The following LSAMP variants were observed in gnomAD, a reference collection of about 807,000 sequenced individuals.
The protein encoded by LSAMP is limbic system-associated membrane protein.
A neutral mutation model predicts 38.6 loss-of-function variants in LSAMP; 7 were observed. The observed-to-expected ratio is 0.18, with a 90% CI of 0.10 to 0.34. The LOEUF is 0.34. Ranked by LOEUF, LSAMP falls within the 10% of genes least tolerant of loss-of-function variation. LSAMP has a pLI of 1.00. For missense variants in LSAMP, 313 were observed against 420.0 expected (o/e 0.75, Z 2.23); for synonymous variants, 154 against 166.8 (o/e 0.92, Z 0.59).
chr3:115,852,639 G>A, intron 3 of LSAMP, 22 bp from the exon 4 acceptor site: 21 of 1,601,212 alleles, frequency 1.3e-5, no homozygotes, highest in Non-Finnish European at 1.8e-5. Flanking sequence ...AGGTTTTCAT[G>A]ATTCTTTTTT....
intron 3 of LSAMP, among the ~76,000 whole-genome samples, chr3:115,894,013 C>T (rs574631032): frequency 2.6e-5 from 4 of 151,990 alleles, no homozygotes; most frequent in African/African-American, 9.7e-5. Flanking sequence ...ACAGGTCAAA[C>T]CTCCTTTTCA....
rs67711628 is a variant in LSAMP at position 115,928,973 on chromosome 3, G to GTTTTTTTTTTTTTTTTTTTT, written c.515-76357_515-76356insAAAAAAAAAAAAAAAAAAAA. The stretch of plus-strand genomic sequence containing the variant: ...GGCTTATCATGCAGGTTTTTTGTTT[G>GTTTTTTTTTTTTTTTTTTTT]TTTTTTTTTTTTTTTTTGCTTGTTT... On this transcript the variant is annotated intron_variant, in intron 3 of 6. Transcript: ENST00000490035. 1.1e-4 allele frequency among the ~76,000 whole-genome samples: 12 copies of GTTTTTTTTTTTTTTTTTTTT among 109,922 alleles called. 1 individual carries two copies. The highest frequency in any genetic ancestry group is 3.2e-4 in the African/African-American group (9 of 28,058). The allele number at this position is 109,922 out of a possible 152,430, so 72.1% of individuals were successfully genotyped here.
At chr3:116,207,851 A>G (rs1403375928) in intron 1 of LSAMP, among the ~76,000 whole-genome samples, 14 of 151,364 alleles carry the variant, frequency 9.2e-5, no homozygotes, top group Non-Finnish European at 1.5e-5. Context: ...TTTCATTTCA[A>G]CTTTGGTGAA....
chr3:116,337,583 A>C (rs183090814), intron 1 of LSAMP, among the ~76,000 whole-genome samples: 103 of 152,100 alleles, frequency 6.8e-4, no homozygotes, highest in African/African-American at 2.2e-3. Context: ...TTGCTGACCC[A>C]ATGATTAATT....
rs1264465528 is a variant in LSAMP at position 116,047,390 on chromosome 3, AC to A, written c.389-27751del. ...AATCTAGTCTAAAAAAAAAAAAAAA[AC>A]AAAACAAACAAAAAAAAACTGTAAG... On this transcript the variant is annotated intron_variant, in intron 2 of 6. Transcript: ENST00000490035. Among the ~76,000 whole-genome samples the A allele has an allele frequency of 7.8e-3, 1,154 of 147,206 alleles. 10 individuals are homozygous for A. Among genetic ancestry groups the A allele is most frequent in the Middle Eastern group, 0.043 (12 of 282 alleles).
At chr3:115,967,224 C>A (rs1938846158) in intron 3 of LSAMP, among the ~76,000 whole-genome samples, 1 of 152,160 alleles carries the variant, frequency 6.6e-6, no homozygotes, top group Admixed American at 6.5e-5. Flanking sequence ...TACCTTAAAT[C>A]ATCTTTCTCA....
At chr3:116,283,669 A>G (rs950426045) in intron 1 of LSAMP, among the ~76,000 whole-genome samples, 1 of 152,204 alleles carries the variant, frequency 6.6e-6, no homozygotes, top group Non-Finnish European at 1.5e-5. Flanking sequence ...AAAAATAAAG[A>G]TGGCTTATAA....
At chr3:116,303,842 C>A (rs2107709141) in intron 1 of LSAMP, among the ~76,000 whole-genome samples, 1 of 152,220 alleles carries the variant, frequency 6.6e-6, no homozygotes, top group East Asian at 1.9e-4. Context: ...GGTTGTTATC[C>A]CTTATATCAT....
chr3:116,324,209 G>A (rs1327356376), intron 1 of LSAMP, among the ~76,000 whole-genome samples: 3 of 152,110 alleles, frequency 2.0e-5, no homozygotes, highest in Non-Finnish European at 2.9e-5. Flanking sequence ...AAAGGAATAA[G>A]TTTCTTTATA....
intron 1 of LSAMP, among the ~76,000 whole-genome samples, chr3:116,164,653 TATATATATATAATCCAA>T (rs1420270300): frequency 5.9e-5 from 8 of 136,670 alleles, no homozygotes; most frequent in African/African-American, 1.9e-4. Flanking sequence ...ATAATCCAAA[TATATATATATAATCCAA>T]ATATATATAT....
intron 3 of LSAMP, among the ~76,000 whole-genome samples, chr3:115,901,974 TTAAC>T (rs1367602511): frequency 1.3e-5 from 2 of 151,822 alleles, no homozygotes; most frequent in African/African-American, 2.4e-5. Context: ...ATGATAAAAT[TTAAC>T]TAGATAAGAA....
intron 2 of LSAMP, among the ~76,000 whole-genome samples, chr3:116,081,187 G>A (rs757569737): frequency 3.9e-5 from 6 of 152,144 alleles, no homozygotes; most frequent in African/African-American, 1.2e-4. Flanking sequence ...ATTGGGGGCC[G>A]GCGAGGTGGC....
intron 1 of LSAMP, among the ~76,000 whole-genome samples, chr3:116,185,918 T>C (rs1710604551): frequency 1.3e-5 from 2 of 151,888 alleles, no homozygotes. Flanking sequence ...AAGACCTCTT[T>C]AGTTTCTCCT....
At chr3:115,905,638 A>C (rs927194797) in intron 3 of LSAMP, among the ~76,000 whole-genome samples, 5 of 152,138 alleles carry the variant, frequency 3.3e-5, no homozygotes, top group South Asian at 2.1e-4. Flanking sequence ...AGAATTATTA[A>C]AGTCACAGGC....
At chr3:116,266,933 C>A (rs1009111300) in intron 1 of LSAMP, among the ~76,000 whole-genome samples, 6 of 152,112 alleles carry the variant, frequency 3.9e-5, no homozygotes, top group African/African-American at 1.4e-4. Context: ...CTGGAGTGTT[C>A]CTTTTCTGTG....
intron 4 of LSAMP, among the ~76,000 whole-genome samples, chr3:115,847,558 G>A (rs1007161627): frequency 2.6e-5 from 4 of 152,090 alleles, no homozygotes; most frequent in Non-Finnish European, 5.9e-5. Context: ...TAATCCCCAC[G>A]TGTCAAAGAA....
chr3:115,928,230 C>G, intron 3 of LSAMP, among the ~76,000 whole-genome samples: 1 of 151,830 alleles, frequency 6.6e-6, no homozygotes, highest in Non-Finnish European at 1.5e-5. Context: ...TTTACTTTAG[C>G]TTCCCCTTTC....
intron 1 of LSAMP, among the ~76,000 whole-genome samples, chr3:116,363,818 A>C (rs1238620507): frequency 1.3e-5 from 2 of 149,282 alleles, no homozygotes; most frequent in Non-Finnish European, 1.5e-5. Context: ...ACAACCCTTC[A>C]TGCTAAAAAC....
At chr3:116,426,787 T>C (rs2049202285) in intron 1 of LSAMP, among the ~76,000 whole-genome samples, 1 of 152,158 alleles carries the variant, frequency 6.6e-6, no homozygotes, top group Admixed American at 6.5e-5. Context: ...AACAACATGG[T>C]GCTGTCAACA....
Sources: gnomAD v4.1 joint callset for allele counts (sites outside exome capture counted in the v4.1 genomes callset) on GRCh38, gnomAD v4.1.1 for gene constraint, MANE v1.5 for transcripts, NCBI Gene and HGNC (gene_info 2026-07-23, HGNC 2026-07-21) for gene names.